The following MGAT4C variants were observed in gnomAD, a reference collection of about 807,000 sequenced individuals.
MGAT4C encodes the protein MGAT4 family member C, also known as alpha-1,3-mannosyl-glycoprotein 4-beta-N-acetylglucosaminyltransferase C.
MGAT4C carries 19 observed loss-of-function variants against 40.1 expected under a neutral mutation model. The observed-to-expected ratio is 0.47, with a 90% confidence interval of 0.33 to 0.70. MGAT4C has a LOEUF of 0.70. Among genes scored for constraint, MGAT4C ranks in the 30% least tolerant of loss-of-function variants. The pLI is 0.02. For missense variants in MGAT4C, 491 were observed against 563.2 expected, an observed-to-expected ratio of 0.87 and a Z score of 1.30; for synonymous variants, 181 against 187.1, an observed-to-expected ratio of 0.97 and a Z score of 0.27.
At chr12:86,697,591 T>C (rs1446339642) in intron 2 of MGAT4C, among the ~76,000 whole-genome samples, 1 of 152,120 alleles carries the variant, frequency 6.6e-6, no homozygotes, top group East Asian at 1.9e-4. Context: ...CTTATTGCTG[T>C]TTCAGATGTT....
At chr12:86,159,609 T>C (rs1047530097) in intron 1 of MGAT4C, among the ~76,000 whole-genome samples, 2 of 152,020 alleles carry the variant, frequency 1.3e-5, no homozygotes, top group African/African-American at 4.8e-5. Flanking sequence ...GTATATTTTT[T>C]TTCTTTTTAT....
chr12:86,094,769 C>T (rs1006047130), intron 1 of MGAT4C, among the ~76,000 whole-genome samples: 1 of 152,000 alleles, frequency 6.6e-6, no homozygotes, highest in African/African-American at 2.4e-5. Context: ...TCATCTTATG[C>T]CCTTTGCCCC....
chr12:85,989,694 G>A (rs541025494), intron 2 of MGAT4C, 142 bp from the exon 3 acceptor site: 3 of 696,392 alleles, frequency 4.3e-6, no homozygotes, highest in Non-Finnish European at 6.8e-6. Flanking sequence ...TCAAACATAA[G>A]GTTGGCACAG....
At chr12:86,504,104 A>G (rs1356571194) in intron 2 of MGAT4C, among the ~76,000 whole-genome samples, 1 of 152,022 alleles carries the variant, frequency 6.6e-6, no homozygotes, top group Non-Finnish European at 1.5e-5. Context: ...AAATTAATGG[A>G]CACTACCTTC....
chr12:86,770,942 T>A (rs570252072), intron 1 of MGAT4C, among the ~76,000 whole-genome samples: 4 of 152,254 alleles, frequency 2.6e-5, no homozygotes, highest in African/African-American at 9.6e-5. Context: ...GTTGAGTTCA[T>A]AACTGTCAAT....
intron 2 of MGAT4C, among the ~76,000 whole-genome samples, chr12:86,547,030 AT>A (rs988046097): frequency 6.6e-6 from 1 of 152,040 alleles, no homozygotes; most frequent in African/African-American, 2.4e-5. Context: ...TTATGTAAAA[AT>A]TTTTTTCCAG....
chr12:86,142,974 TA>T (rs1452360970), intron 1 of MGAT4C, among the ~76,000 whole-genome samples: 1 of 152,140 alleles, frequency 6.6e-6, no homozygotes, highest in Non-Finnish European at 1.5e-5. Flanking sequence ...AGAACCCACT[TA>T]TTGTCTTCAA....
intron 1 of MGAT4C, among the ~76,000 whole-genome samples, chr12:86,069,101 G>A (rs1565937002): frequency 6.6e-6 from 1 of 152,280 alleles, no homozygotes; most frequent in Non-Finnish European, 1.5e-5. Flanking sequence ...AAACAGTCAT[G>A]TGAGTCCTTT....
intron 1 of MGAT4C, among the ~76,000 whole-genome samples, chr12:86,084,411 T>C (rs1426169696): frequency 6.6e-6 from 1 of 152,100 alleles, no homozygotes; most frequent in African/African-American, 2.4e-5. Flanking sequence ...CATTTTAGGA[T>C]GTCATCACTT....
At chr12:86,409,582 C>A (rs1592807545) in intron 3 of MGAT4C, among the ~76,000 whole-genome samples, 1 of 152,152 alleles carries the variant, frequency 6.6e-6, no homozygotes, top group African/African-American at 2.4e-5. Flanking sequence ...TTCAGCCCAG[C>A]AACTACCTGT....
intron 1 of MGAT4C, among the ~76,000 whole-genome samples, chr12:86,197,633 C>A (rs1048829854): frequency 6.6e-6 from 1 of 152,142 alleles, no homozygotes; most frequent in Non-Finnish European, 1.5e-5. Context: ...AAATAAATTT[C>A]TGTTTTTTAT....
chr12:86,254,417 G>A (rs1952432795), intron 1 of MGAT4C, among the ~76,000 whole-genome samples: 1 of 151,914 alleles, frequency 6.6e-6, no homozygotes, highest in Non-Finnish European at 1.5e-5. Flanking sequence ...AGAAAAAAAT[G>A]CAATTTAAAT....
intron 1 of MGAT4C, among the ~76,000 whole-genome samples, chr12:86,821,595 C>T (rs1952707682): frequency 6.6e-6 from 1 of 151,002 alleles, no homozygotes. Flanking sequence ...AACACTATAT[C>T]TTATTCCATC....
chr12:86,277,399 G>A (rs757116692), intron 4 of MGAT4C, among the ~76,000 whole-genome samples: 1 of 152,108 alleles, frequency 6.6e-6, no homozygotes, highest in Non-Finnish European at 1.5e-5. Flanking sequence ...TTAACTTGAC[G>A]TGATCCCCAT....
chr12:86,036,089 G>T (rs1303027526), intron 2 of MGAT4C, among the ~76,000 whole-genome samples: 1 of 149,988 alleles, frequency 6.7e-6, no homozygotes, highest in East Asian at 1.9e-4. Context: ...GAAATTTGAA[G>T]TAGTTTTTTC....
chr12:86,003,797 A>G (rs1887596832), intron 2 of MGAT4C, among the ~76,000 whole-genome samples: 1 of 149,196 alleles, frequency 6.7e-6, no homozygotes, highest in Non-Finnish European at 1.5e-5. Flanking sequence ...TCAATGCTTT[A>G]TTAATGCAAA....
intron 1 of MGAT4C, among the ~76,000 whole-genome samples, chr12:86,134,748 T>C (rs1881713066): frequency 6.6e-6 from 1 of 152,164 alleles, no homozygotes. Context: ...TAAGCTTTTA[T>C]GTCATTATTC....
intron 1 of MGAT4C, among the ~76,000 whole-genome samples, chr12:86,249,362 T>A (rs1952170977): frequency 1.3e-5 from 2 of 152,176 alleles, no homozygotes; most frequent in Non-Finnish European, 2.9e-5. Flanking sequence ...CTTAATAGAT[T>A]GATATACCTA....
chr12:86,343,786 C>T (rs1443447835), intron 3 of MGAT4C, among the ~76,000 whole-genome samples: 1 of 152,160 alleles, frequency 6.6e-6, no homozygotes, highest in Non-Finnish European at 1.5e-5. Flanking sequence ...TCTTATGAAG[C>T]CTCATTCAGT....
Sources: gnomAD v4.1 joint callset for allele counts (sites outside exome capture counted in the v4.1 genomes callset) on GRCh38, gnomAD v4.1.1 for gene constraint, MANE v1.5 for transcripts, NCBI Gene and HGNC (gene_info 2026-07-23, HGNC 2026-07-21) for gene names.